Variants in ZFHX4 observed in about 807,000 individuals in gnomAD.
ZFHX4 encodes the protein zinc finger homeobox protein 4.
ZFHX4 carries 56 observed loss-of-function variants against 267.6 expected under a neutral mutation model. That is an observed-to-expected ratio of 0.21 (90% CI 0.17 to 0.26). The LOEUF (loss-of-function observed/expected upper bound fraction) is 0.26. Among genes scored for constraint, ZFHX4 ranks in the 10% least tolerant of loss-of-function variants. The pLI, the probability that ZFHX4 is intolerant of heterozygous loss-of-function variation, is 1.00. For missense variants in ZFHX4, 4,332 were observed against 4,420.0 expected, an observed-to-expected ratio of 0.98 and a Z score of 0.56; for synonymous variants, 1,778 against 1,665.6, an observed-to-expected ratio of 1.07 and a Z score of -1.64.
At chr8:76,842,188 G>A (rs569973365) in intron 5 of ZFHX4, among the ~76,000 whole-genome samples, 7 of 151,996 alleles carry the variant, frequency 4.6e-5, no homozygotes, top group African/African-American at 9.7e-5. Flanking sequence ...AATTCCTTTG[G>A]GGTCTGGGGT....
At position 76,854,172 on chromosome 8, in the gene ZFHX4, C is replaced by T. The variant is rs1297053040; in HGVS notation, c.7251C>T (p.Asp2417=). Residue 2417 remains aspartate (D), a synonymous_variant, in exon 10 of 11, where the codon GAC becomes GAT. Coordinates refer to ENST00000651372, the MANE Select transcript of ZFHX4 (RefSeq NM_024721.5). Reference sequence around the variant, plus strand: ...CCGCAGAAAAGCCAAAGCAGAGTGACCCCTCTCCCCCTTCTCAAGGCACCA... The same window carrying T: ...CCGCAGAAAAGCCAAAGCAGAGTGATCCCTCTCCCCCTTCTCAAGGCACCA... ...EYPAEKPKQS[D]PSPPSQGTKP... The T allele has an allele frequency of 8.8e-6, 14 of 1,585,956 alleles. No homozygotes were observed. Among genetic ancestry groups the T allele is most frequent in the Non-Finnish European group, 1.2e-5 (14 of 1,166,156 alleles).
rs1289429692 is a variant in ZFHX4, at chr8:76,849,629, C to T, written c.3763C>T (p.Leu1255Phe). ...VICCPLCQDV[L>F]SNKMHLQLHL... is the part of the protein sequence containing the mutation. The stretch of plus-strand genomic sequence containing the variant: ...CTGCTGTCCTCTCTGTCAGGACGTC[C>T]TCAGCAACAAAATGCATCTCCAACT... The change falls in exon 8 of 11, where the codon CTC (leucine) becomes TTC (phenylalanine). Residue 1255 changes from leucine to phenylalanine, a missense_variant. This residue lies in a region of ZFHX4 where 1,371 missense variants were observed against 1,423.1 expected (regional missense o/e 0.96). Coordinates refer to ENST00000651372, the MANE Select transcript of ZFHX4 (RefSeq NM_024721.5). The T allele has an allele frequency of 1.2e-6, 2 of 1,613,950 alleles. No individual in the cohort carries two copies. The highest frequency in any genetic ancestry group is 2.2e-5 in the South Asian group (2 of 91,084).
chr8:76,764,126 C>T (rs1056090542), intron 3 of ZFHX4, among the ~76,000 whole-genome samples: 1 of 152,102 alleles, frequency 6.6e-6, no homozygotes, highest in Admixed American at 6.6e-5. Flanking sequence ...GATTACATAT[C>T]TTCAAAAGAC....
intron 3 of ZFHX4, among the ~76,000 whole-genome samples, chr8:76,732,784 T>G (rs1475159511): frequency 6.6e-6 from 1 of 152,208 alleles, no homozygotes; most frequent in African/African-American, 2.4e-5. Flanking sequence ...TCCATTAGTT[T>G]GTTTCTGAAG....
chr8:76,801,762 A>G (rs1007631254), intron 4 of ZFHX4, among the ~76,000 whole-genome samples: 2 of 151,810 alleles, frequency 1.3e-5, no homozygotes, highest in Non-Finnish European at 1.5e-5. Context: ...TTGGGACAAA[A>G]TTGTGCATTT....
At chr8:76,856,690 G>A (rs1383672207) in intron 10 of ZFHX4, among the ~76,000 whole-genome samples, 1 of 151,978 alleles carries the variant, frequency 6.6e-6, no homozygotes, top group African/African-American at 2.4e-5. Flanking sequence ...TATATTTATT[G>A]GTATCTTAAT....
intron 3 of ZFHX4, among the ~76,000 whole-genome samples, chr8:76,758,605 C>T (rs1334154914): frequency 2.6e-5 from 4 of 152,128 alleles, no homozygotes; most frequent in African/African-American, 9.7e-5. Flanking sequence ...AGCAATCCTC[C>T]AGCCTCAGCC....
At chr8:76,808,926 C>G (rs1331193113) in intron 4 of ZFHX4, among the ~76,000 whole-genome samples, 2 of 151,856 alleles carry the variant, frequency 1.3e-5, no homozygotes, top group Non-Finnish European at 2.9e-5. Flanking sequence ...CTCTCTCTCT[C>G]TCTCTCTCAC....
intron 3 of ZFHX4, among the ~76,000 whole-genome samples, chr8:76,738,810 A>T (rs1809240891): frequency 6.6e-6 from 1 of 150,376 alleles, no homozygotes; most frequent in Non-Finnish European, 1.5e-5. Flanking sequence ...GACATCCTGG[A>T]TTCAAGTGAT....
At chr8:76,863,072 A>G in intron 10 of ZFHX4, 22 bp from the exon 11 acceptor site, 1 of 1,486,350 alleles carries the variant, frequency 6.7e-7, no homozygotes, top group Non-Finnish European at 8.9e-7. Context: ...GACAGTGGCC[A>G]TCTCTCTGTT....
chr8:76,704,716 G>T lies in ZFHX4; in HGVS notation c.628G>T (p.Ala210Ser), dbSNP rs754222202. Residue 210 changes from alanine (A) to serine (S), a missense_variant, in exon 2 of 11, where the codon GCT (alanine) becomes TCT (serine). By Grantham distance (99) the Ala-to-Ser change is moderately conservative (BLOSUM62 1). This residue lies in a region of ZFHX4 where 1,195 missense variants were observed against 1,173.6 expected (regional missense o/e 1.02). Coordinates refer to ENST00000651372, the MANE Select transcript of ZFHX4 (RefSeq NM_024721.5). Reference sequence around the variant, plus strand: ...CGGGAAACCATTTACAGCCGATCAGGCTTTCCCAAATACCTCAGCATTAGC... The same window carrying T: ...CGGGAAACCATTTACAGCCGATCAGTCTTTCCCAAATACCTCAGCATTAGC... ...SLGKPFTADQ[A>S]FPNTSALAGV... 8.1e-6 allele frequency: 13 copies of T among 1,613,830 alleles called. No homozygotes were observed. Among genetic ancestry groups the T allele is most frequent in the African/African-American group, 6.7e-5 (5 of 74,890 alleles).
At chr8:76,813,758 A>G (rs1434262037) in intron 4 of ZFHX4, among the ~76,000 whole-genome samples, 1 of 152,128 alleles carries the variant, frequency 6.6e-6, no homozygotes, top group Admixed American at 6.6e-5. Flanking sequence ...TTCATTGTAT[A>G]TTTAATAATC....
At chr8:76,826,622 C>G (rs1381539254) in intron 4 of ZFHX4, among the ~76,000 whole-genome samples, 3 of 152,018 alleles carry the variant, frequency 2.0e-5, no homozygotes, top group Non-Finnish European at 4.4e-5. Context: ...TGTATGATTC[C>G]ACTAAAGCAG....
At position 76,853,616 on chromosome 8, in the gene ZFHX4, G is replaced by A. The variant is rs562153732; in HGVS notation, c.6695G>A (p.Arg2232Lys). 2.5e-6 allele frequency: 4 copies of A among 1,613,766 alleles called. No homozygotes were observed. Among genetic ancestry groups the A allele is most frequent in the South Asian group, 2.2e-5 (2 of 91,076 alleles). ...TTCAGTAAAAGGTCTTCTAGAACGA[G>A]ATTTACTGACTACCAGCTTAGGGTT... Reference protein sequence around the residue: ...ASFSKRSSRTRFTDYQLRVLQ... With the variant: ...ASFSKRSSRTKFTDYQLRVLQ... Residue 2232 changes from arginine to lysine, a missense_variant, in exon 10 of 11, where the codon AGA becomes AAA. Physicochemically the swap from Arg to Lys is conservative, Grantham distance 26. Around this residue, in one of 7 missense-constraint regions of ZFHX4, gnomAD observed 62 missense variants for 69.8 expected, o/e 0.89. Transcript: ENST00000651372.
chr8:76,855,697 C>T lies in ZFHX4; in HGVS notation c.8776C>T (p.Arg2926Trp), dbSNP rs1213805441. 5 of 1,613,864 alleles carry T rather than the reference C, an allele frequency of 3.1e-6. No individual in the cohort carries two copies. Among genetic ancestry groups the T allele is most frequent in the Non-Finnish European group, 3.4e-6 (4 of 1,179,854 alleles). The change falls in exon 10 of 11, where the codon CGG becomes TGG. Residue 2926 changes from arginine (R) to tryptophan (W), a missense_variant. Arg to Trp is a moderately radical substitution (Grantham distance 101). This residue lies in a region of ZFHX4 where 1,648 missense variants were observed against 1,625.0 expected (regional missense o/e 1.01). Coordinates refer to ENST00000651372, the MANE Select transcript of ZFHX4 (RefSeq NM_024721.5). ...TCCCTTTAAATCCAAAAGTAATGAT[C>T]GGCCGGGTCACAAGCGTTTTCGAAC... is the stretch of plus-strand genomic sequence containing the variant. ...SNPFKSKSND[R>W]PGHKRFRTQM...
At chr8:76,764,113 T>C (rs923714419) in intron 3 of ZFHX4, among the ~76,000 whole-genome samples, 12 of 152,160 alleles carry the variant, frequency 7.9e-5, no homozygotes, top group African/African-American at 2.9e-4. Context: ...AAAAAGAATT[T>C]GGGATTACAT....
intron 4 of ZFHX4, among the ~76,000 whole-genome samples, chr8:76,781,947 G>A (rs758422287): frequency 1.6e-4 from 24 of 151,956 alleles, no homozygotes; most frequent in Non-Finnish European, 3.1e-4. Context: ...ATTGAGTGTA[G>A]CTTAACATGT....
chr8:76,852,387 A>ACAG lies in ZFHX4; in HGVS notation c.5478_5480dup (p.Gln1829dup), dbSNP rs772856785. On this transcript the variant is annotated inframe_insertion, in exon 10 of 11. Transcript: ENST00000651372. ...AACAACAGCAGCAGCCACCACCTCC[A>ACAG]CAGCAGCAGCAGCAACAGCAGGCAA... 6 of 1,554,422 alleles carry ACAG rather than the reference A, an allele frequency of 3.9e-6. No individual in the cohort carries two copies. The highest frequency in any genetic ancestry group is 1.4e-5 in the African/African-American group (1 of 73,220).
intron 3 of ZFHX4, among the ~76,000 whole-genome samples, chr8:76,768,742 T>G (rs1039160164): frequency 1.3e-5 from 2 of 151,838 alleles, no homozygotes; most frequent in Non-Finnish European, 2.9e-5. Flanking sequence ...GCAGTATAGG[T>G]TTGGAGAGAA....
Sources: gnomAD v4.1 joint callset for allele counts (sites outside exome capture counted in the v4.1 genomes callset) on GRCh38, gnomAD v4.1.1 for gene constraint, gnomAD v4.1.1 regional missense constraint, MANE v1.5 for transcripts, NCBI Gene and HGNC (gene_info 2026-07-23, HGNC 2026-07-21) for gene names.